The following CST1 variants were observed in gnomAD, a reference collection of about 807,000 sequenced individuals.
CST1 encodes the protein cystatin-SN.
CST1 carries 19 observed loss-of-function variants against 10.7 expected under a neutral mutation model. The observed-to-expected ratio is 1.78, with a 90% CI of 1.24 to 2.61. The LOEUF is 2.61. CST1 is among the 30% of genes most tolerant of loss of function. The pLI is 0.00. For synonymous variants in CST1, 95 were observed against 72.8 expected (o/e 1.31, Z -1.55); for missense variants, 247 against 178.1 (o/e 1.39, Z -2.20).
rs180717770 is a variant in CST1, at chr20:23,750,127, C to G, written c.228+512G>C. Among the ~76,000 whole-genome samples the G allele has an allele frequency of 2.0e-4, 30 of 152,154 alleles. No homozygotes were observed. In the East Asian group the frequency reaches 5.6e-3, roughly 29 times the overall value. ...CTGCATCAGCTGGTAGAGGCAGGGT[C>G]AGGCATGCTCCACCCCAGCAGGGAC... On this transcript the variant is annotated intron_variant, in intron 1 of 2. Coordinates refer to ENST00000304749, the MANE Select transcript of CST1 (RefSeq NM_001898.3).
chr20:23,749,066 G>C lies in CST1; in HGVS notation c.292C>G (p.Gln98Glu), dbSNP rs767097742. The change falls in exon 2 of 3, where the codon CAG becomes GAG. Residue 98 changes from glutamine to glutamate, a missense_variant. Transcript: ENST00000304749. ...AAGGCACAGGTGTCCAAGTTGGGCT[G>C]GGACTTGGTACATATGGTGCGGCCC... is the stretch of plus-strand genomic sequence containing the variant. ...EVGRTICTKS[Q>E]PNLDTCAFHE... 8.1e-6 allele frequency: 13 copies of C among 1,614,166 alleles called. No homozygotes were observed. The East Asian group carries it at 2.7e-4, about 33-fold the overall frequency.
In CST1 at chr20:23,750,786, A is replaced by G. The variant is rs372905911; in HGVS notation, c.81T>C (p.Asp27=). The G allele has an allele frequency of 8.1e-6, 13 of 1,614,010 alleles. No homozygotes were observed. Among genetic ancestry groups the G allele is most frequent in the African/African-American group, 6.7e-5 (5 of 74,912 alleles). ...VALAWSPKEE[D]RIIPGGIYNA... ...TATAGATGCCACCCGGGATTATCCT[A>G]TCCTCCTCCTTGGGGCTCCAGGCCA... The change falls in exon 1 of 3, where the codon GAT becomes GAC. Residue 27 remains aspartate (D), a synonymous_variant. Transcript: ENST00000304749.
In CST1 at chr20:23,747,599, G is replaced by T; in HGVS notation, c.*217C>A. On this transcript the variant is annotated 3_prime_UTR_variant, in exon 3 of 3. Transcript: ENST00000304749. ...GTTTAATTGCAGGAGGTGGGGGGGT[G>T]TGTACCATGTACCAGGGCTATTAGA... is the stretch of plus-strand genomic sequence containing the variant. 3 of 593,248 alleles carry T rather than the reference G, an allele frequency of 5.1e-6. 1 individual carries two copies. In the South Asian group the frequency reaches 6.2e-5, roughly 12 times the overall value. The allele number at this position is 593,248 out of a possible 1,614,324, so 36.7% of individuals were successfully genotyped here.
In CST1 at chr20:23,747,626, G is replaced by A. The variant is rs990140328; in HGVS notation, c.*190C>T. 14 of 608,426 alleles carry A rather than the reference G, an allele frequency of 2.3e-5. No homozygotes were observed. The highest frequency in any genetic ancestry group is 4.4e-4 in the Middle Eastern group (1 of 2,288). 37.7% of individuals were successfully genotyped at this position (608,426 alleles called of 1,614,324 possible). ...GTACCATGTACCAGGGCTATTAGAA[G>A]CAAGAAGGAAGGAGGGAGGGCAGAG... On this transcript the variant is annotated 3_prime_UTR_variant, in exon 3 of 3. Transcript: ENST00000304749.
intron 2 of CST1, among the ~76,000 whole-genome samples, chr20:23,748,540 C>T (rs932021825): frequency 2.6e-5 from 4 of 152,128 alleles, no homozygotes; most frequent in African/African-American, 7.2e-5. Flanking sequence ...AGCACACAGC[C>T]GCACAGCTGC....
Position 23,750,631 on chromosome 20 carries a change from G to T in CST1, c.228+8C>A, listed in dbSNP as rs1315641235. 6.2e-7 allele frequency: 1 copy of T among 1,613,356 alleles called. No individual in the cohort carries two copies. Among genetic ancestry groups the T allele is most frequent in the Non-Finnish European group, 8.5e-7 (1 of 1,179,666 alleles). ...ACCCAGGACCCCTGGGGTGGAGGGA[G>T]CACCTACCTGTTGCCTGGCTCTTAG... On this transcript the variant is annotated splice_region_variant and intron_variant, in intron 1 of 2. Transcript: ENST00000304749.
At position 23,747,594 on chromosome 20, in the gene CST1, G is replaced by T; in HGVS notation, c.*222C>A. On this transcript the variant is annotated 3_prime_UTR_variant, in exon 3 of 3. Coordinates refer to ENST00000304749, the MANE Select transcript of CST1 (RefSeq NM_001898.3). ...CTACTGTTTAATTGCAGGAGGTGGG[G>T]GGGTGTGTACCATGTACCAGGGCTA... is the stretch of plus-strand genomic sequence containing the variant. The T allele has an allele frequency of 1.7e-6, 1 of 577,628 alleles. No homozygotes were observed. Among genetic ancestry groups the T allele is most frequent in the Admixed American group, 3.0e-5 (1 of 33,688 alleles). The allele number at this position is 577,628 out of a possible 1,614,324, so 35.8% of individuals were successfully genotyped here.
intron 1 of CST1, among the ~76,000 whole-genome samples, chr20:23,749,775 G>T (rs1982778551): frequency 6.6e-6 from 1 of 151,278 alleles, no homozygotes; most frequent in South Asian, 2.1e-4. Flanking sequence ...GGGCCTGATG[G>T]TCTGCAATGC....
At chr20:23,748,010 G>A (rs1263554407) in intron 2 of CST1, 111 bp from the exon 3 acceptor site, 68 of 1,016,866 alleles carry the variant, frequency 6.7e-5, no homozygotes, top group Middle Eastern at 2.0e-4. Context: ...GAGACACTGG[G>A]CCCTCACCCA....
Position 23,749,168 on chromosome 20 carries a change from T to G in CST1, c.229-39A>C, listed in dbSNP as rs370802976. 18 of 1,603,768 alleles carry G rather than the reference T, an allele frequency of 1.1e-5. No homozygotes were observed. In the African/African-American group the frequency reaches 2.4e-4, roughly 21 times the overall value. Reference sequence around the variant, plus strand: ...AAAACAGGACAGCGCCCCCATCAGTTCATGCACTCACAGGCACTTCACTGT... The same window carrying G: ...AAAACAGGACAGCGCCCCCATCAGTGCATGCACTCACAGGCACTTCACTGT... On this transcript the variant is annotated intron_variant, in intron 1 of 2. Coordinates refer to ENST00000304749, the MANE Select transcript of CST1 (RefSeq NM_001898.3).
chr20:23,749,453 T>C (rs1170227605), intron 1 of CST1, among the ~76,000 whole-genome samples: 1 of 152,226 alleles, frequency 6.6e-6, no homozygotes, highest in African/African-American at 2.4e-5. Flanking sequence ...ATTCCCTCCA[T>C]TTAACATAGA....
At chr20:23,748,924 A>ACC (rs1418841097) in intron 2 of CST1, 92 bp downstream of exon 2, 2 of 1,305,852 alleles carry the variant, frequency 1.5e-6, no homozygotes, top group African/African-American at 3.0e-5. Context: ...ACCTGCACAC[A>ACC]CACACCCTCC....
chr20:23,750,559 G>C (rs1982802670), intron 1 of CST1, 80 bp downstream of exon 1: 1 of 1,266,192 alleles, frequency 7.9e-7, no homozygotes, highest in Non-Finnish European at 1.1e-6. Context: ...TATCAGTGTT[G>C]ATTTGCTGGG....
chr20:23,750,881 C>T lies in CST1; in HGVS notation c.-15G>A. The T allele has an allele frequency of 6.3e-7, 1 of 1,593,186 alleles. No individual in the cohort carries two copies. Among genetic ancestry groups the T allele is most frequent in the South Asian group, 1.1e-5 (1 of 88,576 alleles). ...TACTGGGCCATGGTCTCCTCAGAGG[C>T]AGAGCACAAAGCTGGAGCTGCAGGA... is the stretch of plus-strand genomic sequence containing the variant. On this transcript the variant is annotated 5_prime_UTR_variant, in exon 1 of 3. Transcript: ENST00000304749.
At chr20:23,748,540 C>A (rs932021825) in intron 2 of CST1, among the ~76,000 whole-genome samples, 1 of 152,128 alleles carries the variant, frequency 6.6e-6, no homozygotes, top group South Asian at 2.1e-4. Context: ...AGCACACAGC[C>A]GCACAGCTGC....
intron 1 of CST1, among the ~76,000 whole-genome samples, chr20:23,749,345 T>C (rs1256559909): frequency 1.3e-5 from 2 of 152,224 alleles, no homozygotes; most frequent in East Asian, 3.8e-4. Context: ...AAAGGATTCA[T>C]TGAATTCTGC....
chr20:23,747,991 G>T, intron 2 of CST1, 92 bp from the exon 3 acceptor site: 2 of 1,289,770 alleles, frequency 1.6e-6, no homozygotes, highest in South Asian at 1.2e-5. Context: ...GGGTGAGGAG[G>T]ATGGAGGTGA....
rs758187154 is a variant in CST1, at chr20:23,750,670, C to A, written c.197G>T (p.Arg66Leu). 5.6e-6 allele frequency: 9 copies of A among 1,613,804 alleles called. No homozygotes were observed. Among genetic ancestry groups the A allele is most frequent in the Non-Finnish European group, 7.6e-6 (9 of 1,180,012 alleles). Residue 66 changes from arginine to leucine, a missense_variant, in exon 1 of 3, where the codon CGT (arginine) becomes CTT (leucine). By Grantham distance (102) the Arg-to-Leu change is moderately radical (BLOSUM62 -2). Coordinates refer to ENST00000304749, the MANE Select transcript of CST1 (RefSeq NM_001898.3). ...NKATKDDYYR[R>L]PLRVLRARQQ... Reference sequence around the variant, plus strand: ...CCTGGCTCTTAGTACCCGCAGCGGACGTCTGTAGTAGTCATCTTTGGTGGC... The same window carrying A: ...CCTGGCTCTTAGTACCCGCAGCGGAAGTCTGTAGTAGTCATCTTTGGTGGC...
chr20:23,748,645 T>C lies in CST1; in HGVS notation c.342+371A>G, dbSNP rs113478826. On this transcript the variant is annotated intron_variant, in intron 2 of 2. Coordinates refer to ENST00000304749, the MANE Select transcript of CST1 (RefSeq NM_001898.3). ...AAGCCTTCCTAGCAAATCAAACACA[T>C]CACCCTCCTCCCTCACCACCCCATC... Among the ~76,000 whole-genome samples, 1,301 of 151,918 alleles carry C rather than the reference T, an allele frequency of 8.6e-3. 8 individuals are homozygous for C. The highest frequency in any genetic ancestry group is 0.021 in the African/African-American group (852 of 41,420).
Sources: gnomAD v4.1 joint callset for allele counts (sites outside exome capture counted in the v4.1 genomes callset) on GRCh38, gnomAD v4.1.1 for gene constraint, MANE v1.5 for transcripts, NCBI Gene and HGNC (gene_info 2026-07-23, HGNC 2026-07-21) for gene names.